The following FCHSD1 variants were observed in gnomAD, a reference collection of about 807,000 sequenced individuals.
The protein encoded by FCHSD1 is F-BAR and double SH3 domains protein 1.
A neutral mutation model predicts 101.3 loss-of-function variants in FCHSD1; 109 were observed. That is an observed-to-expected ratio of 1.08 (90% CI 0.92 to 1.26). The LOEUF (loss-of-function observed/expected upper bound fraction) is 1.26. Among genes scored for constraint, FCHSD1 ranks in the 50% most tolerant of loss-of-function variants. FCHSD1 has a pLI of 0.00. For synonymous variants in FCHSD1, 291 were observed against 356.8 expected (o/e 0.82, Z 2.08); for missense variants, 820 against 895.8 (o/e 0.92, Z 1.08).
intron 19 of FCHSD1, 33 bp from the exon 20 acceptor site, chr5:141,641,596 T>A (rs539275680): frequency 6.3e-7 from 1 of 1,589,052 alleles, no homozygotes; most frequent in East Asian, 2.3e-5. Context: ...GCTCCAGAGT[T>A]CTCCCTTAAG....
Position 141,649,241 on chromosome 5 carries a change from C to T in FCHSD1, c.443G>A (p.Arg148Gln), listed in dbSNP as rs767038525. The change falls in exon 6 of 20, where the codon CGG (arginine) becomes CAG (glutamine). Residue 148 changes from arginine (R) to glutamine (Q), a missense_variant. Arg to Gln is a conservative substitution (Grantham distance 43, BLOSUM62 1). Coordinates refer to ENST00000435817, the MANE Select transcript of FCHSD1 (RefSeq NM_033449.3). This position sits in a 1 kb window ranked among gnomAD's most constrained non-coding sequence, Gnocchi z 4.1. ...ACGTTCCCGCTGCCCATACAGCTTC[C>T]GACTTCGGCTCAGCTCCCGGACAGA... ...LQSVRELSRS[R>Q]KLYGQRERVW... 13 of 1,613,868 alleles carry T rather than the reference C, an allele frequency of 8.1e-6. No individual in the cohort carries two copies. Among genetic ancestry groups the T allele is most frequent in the South Asian group, 7.7e-5 (7 of 91,086 alleles).
At position 141,647,148 on chromosome 5, in the gene FCHSD1, G is replaced by A; in HGVS notation, c.911C>T (p.Ala304Val). Reference protein sequence around the residue: ...SPTPPQQFQPAGTDQVCVLEW... With the variant: ...SPTPPQQFQPVGTDQVCVLEW... Reference sequence around the variant, plus strand: ...GGAAGATCTCACCTGATCAGTCCCTGCTGGCTGAAACTGCTGAGGTGGGGT... The same window carrying A: ...GGAAGATCTCACCTGATCAGTCCCTACTGGCTGAAACTGCTGAGGTGGGGT... Residue 304 changes from alanine to valine, a missense_variant, in exon 10 of 20, where the codon GCA becomes GTA. Ala to Val is a moderately conservative substitution (Grantham distance 64). Coordinates refer to ENST00000435817, the MANE Select transcript of FCHSD1 (RefSeq NM_033449.3). The A allele has an allele frequency of 6.2e-7, 1 of 1,607,564 alleles. No individual in the cohort carries two copies. Among genetic ancestry groups the A allele is most frequent in the Non-Finnish European group, 8.5e-7 (1 of 1,176,968 alleles).
At chr5:141,645,273 A>G (rs538628696) in intron 13 of FCHSD1, 125 bp from the exon 14 acceptor site, 2 of 1,332,770 alleles carry the variant, frequency 1.5e-6, no homozygotes, top group South Asian at 3.0e-5. Flanking sequence ...CCATCCACTC[A>G]CCATGTACAC....
Position 141,646,103 on chromosome 5 carries a change from C to T in FCHSD1, c.1133G>A (p.Ser378Asn), listed in dbSNP as rs1163161294. The change falls in exon 12 of 20, where the codon AGC (serine) becomes AAC (asparagine). Residue 378 changes from serine (S) to asparagine (N), a missense_variant. Ser to Asn is a conservative substitution (Grantham distance 46). Transcript: ENST00000435817. ...GTGCCTCACCTGTGCCCGGCGGATG[C>T]TCTCTCGCACTTCCTGTAACCTCTG... ...IEQRLQEVRE[S>N]IRRAQVSQVK... 1 of 1,611,244 alleles carries T rather than the reference C, an allele frequency of 6.2e-7. No individual in the cohort carries two copies.
intron 18 of FCHSD1, chr5:141,642,738 A>G: frequency 5.5e-6 from 3 of 545,278 alleles, no homozygotes. Context: ...TAACTCTCAT[A>G]AGAATTCAAT....
chr5:141,645,289 C>T, intron 13 of FCHSD1, 141 bp from the exon 14 acceptor site: 1 of 1,165,446 alleles, frequency 8.6e-7, no homozygotes, highest in African/African-American at 1.6e-5. Flanking sequence ...TACACAACCA[C>T]AGTCACCACA....
In FCHSD1 at chr5:141,640,422, C is replaced by T. The variant is rs1407109074; in HGVS notation, c.*1076G>A. 6.2e-7 allele frequency: 1 copy of T among 1,614,190 alleles called. No individual in the cohort carries two copies. Among genetic ancestry groups the T allele is most frequent in the South Asian group, 1.1e-5 (1 of 91,084 alleles). ...TCCCCTTTCTCTCAGGTGTCTCTAC[C>T]ACAGGGAGCAGGGAGTATGTGAGGT... On this transcript the variant is annotated 3_prime_UTR_variant, in exon 20 of 20. Coordinates refer to ENST00000435817, the MANE Select transcript of FCHSD1 (RefSeq NM_033449.3).
rs774155322 is a variant in FCHSD1 at position 141,644,553 on chromosome 5, C to A, written c.1642+20G>T. The A allele has an allele frequency of 6.2e-7, 1 of 1,612,874 alleles. No homozygotes were observed. Among genetic ancestry groups the A allele is most frequent in the Non-Finnish European group, 8.5e-7 (1 of 1,179,016 alleles). On this transcript the variant is annotated intron_variant, in intron 16 of 19. Coordinates refer to ENST00000435817, the MANE Select transcript of FCHSD1 (RefSeq NM_033449.3). ...TTCTCCATACCCAGGGTCCTCTAAC[C>A]CAAAATTTCCCTTTCTTACCTGTGG...
At chr5:141,650,030 A>G (rs2099908168) in intron 3 of FCHSD1, 76 bp from the exon 4 acceptor site, 1 of 1,404,268 alleles carries the variant, frequency 7.1e-7, no homozygotes, top group South Asian at 1.4e-5. Flanking sequence ...ACATCAGAGT[A>G]TAATCATACC....
chr5:141,640,561 A>G lies in FCHSD1; in HGVS notation c.*937T>C, dbSNP rs2099906741. 2 of 1,569,588 alleles carry G rather than the reference A, an allele frequency of 1.3e-6. No individual in the cohort carries two copies. Among genetic ancestry groups the G allele is most frequent in the Non-Finnish European group, 8.7e-7 (1 of 1,155,628 alleles). ...GTAAACTGCAGGCTTAGCCTTTGCT[A>G]TAAATCCCTTGGTTTGGTGGTGGAG... On this transcript the variant is annotated 3_prime_UTR_variant, in exon 20 of 20. Transcript: ENST00000435817.
chr5:141,650,099 G>T, intron 3 of FCHSD1, 145 bp from the exon 4 acceptor site: 1 of 924,322 alleles, frequency 1.1e-6, no homozygotes, highest in African/African-American at 1.7e-5. Flanking sequence ...TCATTAATTT[G>T]TTTAATCCTT....
rs2099906830 is a variant in FCHSD1, at chr5:141,641,030, T to C, written c.*468A>G. ...AGGCCCTGGCCTGGCCTTCGTGCCC[T>C]TTATTCATTGTCAATAAATCCGCTC... is the stretch of plus-strand genomic sequence containing the variant. On this transcript the variant is annotated 3_prime_UTR_variant, in exon 20 of 20. Transcript: ENST00000435817. 1 of 373,330 alleles carries C rather than the reference T, an allele frequency of 2.7e-6. No homozygotes were observed. Among genetic ancestry groups the C allele is most frequent in the Non-Finnish European group, 4.8e-6 (1 of 208,412 alleles). The allele number at this position is 373,330 out of a possible 1,614,324, so 23.1% of individuals were successfully genotyped here.
chr5:141,640,619 C>A lies in FCHSD1; in HGVS notation c.*879G>T. The A allele has an allele frequency of 6.5e-7, 1 of 1,539,690 alleles. No individual in the cohort carries two copies. Among genetic ancestry groups the A allele is most frequent in the Admixed American group, 2.0e-5 (1 of 50,668 alleles). ...AGGTCCTGGAGCCCCAGGGGAAAAG[C>A]TGGACACAGCTTGAACAGGAAGCAA... is the stretch of plus-strand genomic sequence containing the variant. On this transcript the variant is annotated 3_prime_UTR_variant, in exon 20 of 20. Transcript: ENST00000435817.
chr5:141,640,264 A>ACTTTT lies in FCHSD1; in HGVS notation c.*1233_*1234insAAAAG. On this transcript the variant is annotated 3_prime_UTR_variant, in exon 20 of 20. Transcript: ENST00000435817. ...CTGCCCACTCAAGAGGCAAATGGGC[A>ACTTTT]GCCAAGCAAACCAGACACTTCTGAT... The ACTTTT allele has an allele frequency of 6.2e-7, 1 of 1,614,012 alleles. No homozygotes were observed. The highest frequency in any genetic ancestry group is 1.1e-5 in the South Asian group (1 of 91,084).
chr5:141,648,807 G>A (rs1201872144), intron 7 of FCHSD1, 150 bp downstream of exon 7: 7 of 800,738 alleles, frequency 8.7e-6, no homozygotes, highest in Admixed American at 2.4e-5. Context: ...GGCTCACAGA[G>A]ATCAAGTAAA....
At chr5:141,642,539 T>A (rs1213861556) in intron 18 of FCHSD1, 1 of 528,342 alleles carries the variant, frequency 1.9e-6, no homozygotes, top group Admixed American at 3.8e-5. Context: ...GCTATAGACA[T>A]TTAAAAAAGA....
Position 141,648,032 on chromosome 5 carries a change from T to C in FCHSD1, c.641A>G (p.Asn214Ser). ...LQAARNEYLL[N>S]LVATNAHLDH... ...GAGGTGGGCATTGGTAGCCACCAAG[T>C]TAAGCAGGTACTCATTGCGGGCTGC... Residue 214 changes from asparagine (N) to serine (S), a missense_variant, in exon 8 of 20, where the codon AAC (asparagine) becomes AGC (serine). Transcript: ENST00000435817. 1 of 1,613,598 alleles carries C rather than the reference T, an allele frequency of 6.2e-7. No homozygotes were observed. The highest frequency in any genetic ancestry group is 8.5e-7 in the Non-Finnish European group (1 of 1,179,726).
At position 141,642,506 on chromosome 5, in the gene FCHSD1, A is replaced by G. The variant is rs1448921790; in HGVS notation, c.1951+495T>C. The G allele has an allele frequency of 5.1e-6, 3 of 587,624 alleles. No homozygotes were observed. The African/African-American group carries it at 5.9e-5, about 12-fold the overall frequency. The allele number at this position is 587,624 out of a possible 1,614,324, so 36.4% of individuals were successfully genotyped here. A position where few individuals can be genotyped will look rare whatever the true frequency, so the allele number is the denominator to read the frequency against. On this transcript the variant is annotated intron_variant, in intron 18 of 19. Transcript: ENST00000435817. ...ACAAGCACATGTACCTCCTGAATCTAAAATAAATAATAAAATAAAACTGCT... is the reference window on the plus strand; with the variant it reads ...ACAAGCACATGTACCTCCTGAATCTGAAATAAATAATAAAATAAAACTGCT...
At chr5:141,645,255 A>G in intron 13 of FCHSD1, 107 bp from the exon 14 acceptor site, 1 of 1,458,458 alleles carries the variant, frequency 6.9e-7, no homozygotes, top group South Asian at 1.4e-5. Context: ...CCTCCAAGGC[A>G]GGTGCACCCA....
Sources: allele counts gnomAD v4.1 joint callset, GRCh38; gene constraint gnomAD v4.1.1; non-coding constraint Gnocchi (gnomAD v3.1); transcripts MANE v1.5; gene names NCBI Gene and HGNC (gene_info 2026-07-23, HGNC 2026-07-21).